The following CADPS2 variants were observed in gnomAD, a reference collection of about 807,000 sequenced individuals.
CADPS2 encodes the protein calcium-dependent secretion activator 2.
A neutral mutation model predicts 172.5 loss-of-function variants in CADPS2; 93 were observed. That is an observed-to-expected ratio of 0.54 (90% CI 0.46 to 0.64). The LOEUF (loss-of-function observed/expected upper bound fraction) is 0.64. Among genes scored for constraint, CADPS2 ranks in the 30% least tolerant of loss-of-function variants. The pLI is 0.00. For missense variants in CADPS2, 1,420 were observed against 1,565.9 expected (o/e 0.91, Z 1.57); for synonymous variants, 546 against 555.2 (o/e 0.98, Z 0.23).
chr7:122,451,486 A>C lies in CADPS2; in HGVS notation c.2187-11T>G. On this transcript the variant is annotated splice_polypyrimidine_tract_variant and intron_variant, in intron 14 of 29. Coordinates refer to ENST00000449022, the MANE Select transcript of CADPS2 (RefSeq NM_017954.11). Reference sequence around the variant, plus strand: ...CCAATTCCATCAGGCCTGAAAAAAAAATCAGAATCAATAATTCATATTGAT... The same window carrying C: ...CCAATTCCATCAGGCCTGAAAAAAACATCAGAATCAATAATTCATATTGAT... 2 of 1,436,356 alleles carry C rather than the reference A, an allele frequency of 1.4e-6. No individual in the cohort carries two copies. Among genetic ancestry groups the C allele is most frequent in the Non-Finnish European group, 1.9e-6 (2 of 1,046,168 alleles). 89.0% of individuals were successfully genotyped at this position (1,436,356 alleles called of 1,614,324 possible).
intron 17 of CADPS2, among the ~76,000 whole-genome samples, chr7:122,429,486 G>A (rs2049602614): frequency 1.3e-5 from 2 of 151,892 alleles, no homozygotes; most frequent in Non-Finnish European, 1.5e-5. Context: ...CAAACAATTT[G>A]TATCTAACAA....
chr7:122,876,092 G>C (rs577085243), intron 1 of CADPS2, among the ~76,000 whole-genome samples: 1 of 152,008 alleles, frequency 6.6e-6, no homozygotes, highest in Non-Finnish European at 1.5e-5. Context: ...AGGCTGAGGC[G>C]GGTGGATCAC....
chr7:122,879,968 C>G (rs1375962066), intron 1 of CADPS2, among the ~76,000 whole-genome samples: 1 of 152,140 alleles, frequency 6.6e-6, no homozygotes, highest in Non-Finnish European at 1.5e-5. Flanking sequence ...AATTAATAAA[C>G]AAGTCATTTT....
At chr7:122,767,878 T>G (rs1284059324) in intron 1 of CADPS2, among the ~76,000 whole-genome samples, 2 of 152,144 alleles carry the variant, frequency 1.3e-5, no homozygotes, top group African/African-American at 4.8e-5. Context: ...CTTCTAGAAT[T>G]CTGGGATGCT....
intron 1 of CADPS2, among the ~76,000 whole-genome samples, chr7:122,882,018 T>G (rs907249820): frequency 1.3e-5 from 2 of 152,062 alleles, no homozygotes; most frequent in African/African-American, 4.8e-5. Flanking sequence ...GAAAACAAAA[T>G]AAAACCTGGA....
chr7:122,329,220 T>C (rs1356226324), intron 28 of CADPS2, among the ~76,000 whole-genome samples: 1 of 152,178 alleles, frequency 6.6e-6, no homozygotes, highest in African/African-American at 2.4e-5. Context: ...TAGTCTTGAA[T>C]TAACAAACCA....
In CADPS2 at chr7:122,738,205, C is replaced by T. The variant is rs2092283438; in HGVS notation, c.340-1137G>A. Among the ~76,000 whole-genome samples the T allele has an allele frequency of 7.9e-5, 12 of 152,164 alleles. No individual in the cohort carries two copies. In the South Asian group the frequency reaches 2.5e-3, roughly 32 times the overall value. On this transcript the variant is annotated intron_variant, in intron 1 of 29. Transcript: ENST00000449022. ...CATCAACTACAAGCAGGGTGAGCTA[C>T]TTAATTTGTAGGGCCCAGTGCAAAA...
At chr7:122,795,744 A>G (rs6960213) in intron 1 of CADPS2, among the ~76,000 whole-genome samples, 35,821 of 151,872 alleles carry the variant, frequency 0.24, 4,752 homozygotes, top group African/African-American at 0.36. Flanking sequence ...CATACCCACC[A>G]CAAACATCAT....
chr7:122,716,827 G>A (rs1270117541), intron 2 of CADPS2, among the ~76,000 whole-genome samples: 27 of 152,084 alleles, frequency 1.8e-4, no homozygotes, highest in Admixed American at 1.8e-3. Context: ...CTTGGGAGGG[G>A]TGGGGAATGG....
chr7:122,483,407 T>C (rs1005592609), intron 11 of CADPS2, among the ~76,000 whole-genome samples: 2 of 152,054 alleles, frequency 1.3e-5, no homozygotes, highest in Non-Finnish European at 2.9e-5. Context: ...TAAATACTTT[T>C]TTTCGTATAT....
Position 122,539,111 on chromosome 7 carries a change from T to C in CADPS2, c.1475+15439A>G, listed in dbSNP as rs566211301. On this transcript the variant is annotated intron_variant, in intron 8 of 29. Transcript: ENST00000449022. ...TTAACCAATACAAAGTGGATACTGC[T>C]ATGGTTTGAATGTGTCTCCCAAAGT... Among the ~76,000 whole-genome samples the C allele has an allele frequency of 8.5e-4, 129 of 152,142 alleles. 1 individual carries two copies. The highest frequency in any genetic ancestry group is 9.6e-4 in the Non-Finnish European group (65 of 68,010).
intron 8 of CADPS2, among the ~76,000 whole-genome samples, chr7:122,538,551 A>C (rs2131522933): frequency 6.6e-6 from 1 of 151,912 alleles, no homozygotes; most frequent in Non-Finnish European, 1.5e-5. Context: ...GTTTTAACAC[A>C]AAAAAACTCC....
At chr7:122,653,634 C>T (rs2079419277) in intron 3 of CADPS2, among the ~76,000 whole-genome samples, 1 of 152,198 alleles carries the variant, frequency 6.6e-6, no homozygotes, top group Non-Finnish European at 1.5e-5. Context: ...CTGTGGCAAT[C>T]CTGAGTCAAG....
At chr7:122,338,017 C>G (rs1477043349) in intron 28 of CADPS2, among the ~76,000 whole-genome samples, 2 of 152,186 alleles carry the variant, frequency 1.3e-5, no homozygotes, top group Non-Finnish European at 2.9e-5. Flanking sequence ...CTGCTGCTAT[C>G]ATATATATAA....
chr7:122,379,789 T>C (rs1202249354), intron 24 of CADPS2, among the ~76,000 whole-genome samples: 2 of 152,148 alleles, frequency 1.3e-5, no homozygotes, highest in African/African-American at 4.8e-5. Context: ...TTGGTTTAGC[T>C]GGAGAAGCAA....
chr7:122,493,579 G>A (rs1234440052), intron 9 of CADPS2, among the ~76,000 whole-genome samples: 2 of 152,152 alleles, frequency 1.3e-5, no homozygotes, highest in African/African-American at 4.8e-5. Flanking sequence ...TACACAGTGT[G>A]GGTGACAGAA....
At chr7:122,655,813 C>T (rs925790233) in intron 3 of CADPS2, among the ~76,000 whole-genome samples, 4 of 152,038 alleles carry the variant, frequency 2.6e-5, no homozygotes, top group Non-Finnish European at 5.9e-5. Context: ...TTTATAATTT[C>T]TTTTTGTTTT....
chr7:122,518,001 ATTTT>A (rs964891819), intron 8 of CADPS2, among the ~76,000 whole-genome samples: 1 of 151,576 alleles, frequency 6.6e-6, no homozygotes, highest in Non-Finnish European at 1.5e-5. Context: ...TGTTGTTATG[ATTTT>A]TTTTATGGTA....
At chr7:122,428,452 C>CAT (rs35344551) in intron 17 of CADPS2, among the ~76,000 whole-genome samples, 2,252 of 144,446 alleles carry the variant, frequency 0.016, 41 homozygotes, top group Middle Eastern at 0.063. Flanking sequence ...TATATACACA[C>CAT]ATATATATAT....
Sources: gnomAD v4.1 joint callset for allele counts (sites outside exome capture counted in the v4.1 genomes callset) on GRCh38, gnomAD v4.1.1 for gene constraint, MANE v1.5 for transcripts, NCBI Gene and HGNC (gene_info 2026-07-23, HGNC 2026-07-21) for gene names.